THEM6: variants seen among roughly 807,000 people sequenced by gnomAD.
THEM6 encodes protein THEM6.
THEM6 carries 10 observed loss-of-function variants against 13.7 expected under a neutral mutation model. The observed-to-expected ratio is 0.73, with a 90% CI of 0.45 to 1.24. THEM6 has a LOEUF of 1.24. Among genes scored for constraint, THEM6 ranks in the 50% most tolerant of loss-of-function variants. The pLI is 0.00. For missense variants in THEM6, 317 were observed against 312.6 expected (o/e 1.01, Z -0.11); for synonymous variants, 161 against 156.0 (o/e 1.03, Z -0.24).
chr8:142,730,737 TAATAA>T (rs1815627761), intron 1 of THEM6, among the ~76,000 whole-genome samples: 1 of 152,174 alleles, frequency 6.6e-6, no homozygotes. Flanking sequence ...ATGTTAAACT[TAATAA>T]AATCTTTTTT....
rs782742228 is a variant in THEM6 at position 142,727,481 on chromosome 8, A to T, written c.135A>T (p.Leu45=). The stretch of plus-strand genomic sequence containing the variant: ...TGCAGCCGCGCGTCCGTGACCTGCT[A>T]GCTGAGCAGCGCTTCCCGGGCCGCG... ...RLLQPRVRDL[L]AEQRFPGRVL... is the part of the protein sequence containing the mutation. The change falls in exon 1 of 2, where the codon CTA becomes CTT. Residue 45 remains leucine (L), a synonymous_variant. Transcript: ENST00000336138. 3 of 1,576,680 alleles carry T rather than the reference A, an allele frequency of 1.9e-6. No homozygotes were observed. The Admixed American group carries it at 5.2e-5, about 27-fold the overall frequency.
intron 1 of THEM6, among the ~76,000 whole-genome samples, chr8:142,729,141 TC>T (rs1242659336): frequency 6.6e-6 from 1 of 152,088 alleles, no homozygotes; most frequent in Non-Finnish European, 1.5e-5. Context: ...GGTTTCAAAA[TC>T]AGGAATGCCT....
Position 142,735,342 on chromosome 8 carries a change from T to G in THEM6, c.530T>G (p.Leu177Arg). The G allele has an allele frequency of 1.9e-6, 3 of 1,561,944 alleles. No individual in the cohort carries two copies. Among genetic ancestry groups the G allele is most frequent in the Non-Finnish European group, 2.6e-6 (3 of 1,153,312 alleles). ...CCTCTGCAGGTGGAGCCCCCTGAGC[T>G]GCCCGCTGATCTGCAGCACTGGATC... Reference protein sequence around the residue: ...LCQRRVEPPELPADLQHWISY... With the variant: ...LCQRRVEPPERPADLQHWISY... Residue 177 changes from leucine (L) to arginine (R), a missense_variant, in exon 2 of 2, where the codon CTG (leucine) becomes CGG (arginine). Physicochemically the swap from Leu to Arg is moderately radical, Grantham distance 102 (BLOSUM62 -2). Coordinates refer to ENST00000336138, the MANE Select transcript of THEM6 (RefSeq NM_016647.3).
At chr8:142,728,351 C>G (rs1242958474) in intron 1 of THEM6, among the ~76,000 whole-genome samples, 1 of 152,166 alleles carries the variant, frequency 6.6e-6, no homozygotes, top group South Asian at 2.1e-4. Context: ...GGTATTGAGC[C>G]GAGTAGCTGA....
rs981538949 is a variant in THEM6 at position 142,736,214 on chromosome 8, G to C, written c.*775G>C. On this transcript the variant is annotated 3_prime_UTR_variant, in exon 2 of 2. Coordinates refer to ENST00000336138, the MANE Select transcript of THEM6 (RefSeq NM_016647.3). ...CCCTTGTTGGAGGGAATAGAGTGGG[G>C]GTGGGACTCTGCAGGGGTGTCCTTG... 6.6e-6 allele frequency: 1 copy of C among 152,392 alleles called. No homozygotes were observed. The highest frequency in any genetic ancestry group is 1.5e-5 in the Non-Finnish European group (1 of 68,218). 9.4% of individuals were successfully genotyped at this position (152,392 alleles called of 1,614,324 possible).
intron 1 of THEM6, among the ~76,000 whole-genome samples, chr8:142,729,653 A>G (rs587617154): frequency 6.6e-6 from 1 of 152,302 alleles, no homozygotes; most frequent in South Asian, 2.1e-4. Context: ...ATTTATGTCA[A>G]TCCCCATACC....
chr8:142,735,043 C>T (rs1334556681), intron 1 of THEM6: 3 of 417,598 alleles, frequency 7.2e-6, no homozygotes, highest in African/African-American at 2.0e-5. Flanking sequence ...CCTGAGGCCT[C>T]TGGATTTCCT....
rs1554642539 is a variant in THEM6 at position 142,727,787 on chromosome 8, G to A, written c.441G>A (p.Ala147=). The A allele has an allele frequency of 6.8e-7, 1 of 1,467,024 alleles. No individual in the cohort carries two copies. The highest frequency in any genetic ancestry group is 1.3e-5 in the South Asian group (1 of 75,558). 90.9% of individuals were successfully genotyped at this position (1,467,024 alleles called of 1,614,324 possible). Residue 147 remains alanine (A), a synonymous_variant, in exon 1 of 2, where the codon GCG becomes GCA. Transcript: ENST00000336138. ...FVSLRDGFVC[A]LLRFRQHLLG... is the part of the protein sequence containing the mutation. ...GCCTGCGGGACGGCTTCGTGTGCGC[G>A]CTGCTGCGCTTCCGGCAGCACCTGC... is the stretch of plus-strand genomic sequence containing the variant.
rs782032229 is a variant in THEM6 at position 142,727,526 on chromosome 8, C to A, written c.180C>A (p.Asp60Glu). ...GCCGCGTGCTGCCCTCGGACTTGGA[C>A]CTGCTGCTGCACATGAACAACGCGC... ...FPGRVLPSDLDLLLHMNNARY... is the reference protein window; with the variant it reads ...FPGRVLPSDLELLLHMNNARY... The change falls in exon 1 of 2, where the codon GAC becomes GAA. Residue 60 changes from aspartate to glutamate, a missense_variant. By Grantham distance (45) the Asp-to-Glu change is conservative. Coordinates refer to ENST00000336138, the MANE Select transcript of THEM6 (RefSeq NM_016647.3). 1.3e-6 allele frequency: 2 copies of A among 1,579,034 alleles called. No homozygotes were observed. Among genetic ancestry groups the A allele is most frequent in the African/African-American group, 2.8e-5 (2 of 72,588 alleles).
Position 142,727,658 on chromosome 8 carries a change from C to G in THEM6, c.312C>G (p.Cys104Trp). ...LRAHTVLAASCARHRRSLRLL... is the reference protein window; with the variant it reads ...LRAHTVLAASWARHRRSLRLL... Reference sequence around the variant, plus strand: ...CGCACACGGTGCTGGCGGCCTCGTGCGCGCGCCACCGCCGCTCGCTGCGCC... The same window carrying G: ...CGCACACGGTGCTGGCGGCCTCGTGGGCGCGCCACCGCCGCTCGCTGCGCC... Residue 104 changes from cysteine to tryptophan, a missense_variant, in exon 1 of 2, where the codon TGC (cysteine) becomes TGG (tryptophan). By Grantham distance (215) the Cys-to-Trp change is radical. Transcript: ENST00000336138. The G allele has an allele frequency of 4.9e-6, 7 of 1,437,932 alleles. No homozygotes were observed. Among genetic ancestry groups the G allele is most frequent in the Non-Finnish European group, 6.3e-6 (7 of 1,107,134 alleles). The allele number at this position is 1,437,932 out of a possible 1,614,324, so 89.1% of individuals were successfully genotyped here.
At chr8:142,727,994 C>T in intron 1 of THEM6, 135 bp downstream of exon 1, 1 of 1,003,164 alleles carries the variant, frequency 1.0e-6, no homozygotes. Flanking sequence ...AGTCCTGCCT[C>T]TTACCGCTCC....
chr8:142,731,920 A>ATT (rs1815653938), intron 1 of THEM6, among the ~76,000 whole-genome samples: 1 of 151,952 alleles, frequency 6.6e-6, no homozygotes, highest in African/African-American at 2.4e-5. Flanking sequence ...AATTGCAAGA[A>ATT]TTATGCCCTC....
chr8:142,727,238 C>A lies in THEM6; in HGVS notation c.-109C>A. ...CTCGCGCTGTGGTTCGCTCCGGGCG[C>A]GCTGCGCTCGTGAGTTCCCAGGAGG... On this transcript the variant is annotated 5_prime_UTR_variant, in exon 1 of 2. Coordinates refer to ENST00000336138, the MANE Select transcript of THEM6 (RefSeq NM_016647.3). The A allele has an allele frequency of 1.7e-6, 2 of 1,175,606 alleles. No individual in the cohort carries two copies. The highest frequency in any genetic ancestry group is 4.2e-5 in the Admixed American group (1 of 24,084). The allele number at this position is 1,175,606 out of a possible 1,614,324, so 72.8% of individuals were successfully genotyped here. A position where few individuals can be genotyped will look rare whatever the true frequency, so the allele number is the denominator to read the frequency against.
chr8:142,735,114 T>C (rs587724127), intron 1 of THEM6: 21 of 566,646 alleles, frequency 3.7e-5, no homozygotes, highest in African/African-American at 3.6e-4. Flanking sequence ...GGATGGCCCC[T>C]AGGGGAGACG....
chr8:142,735,433 C>T lies in THEM6; in HGVS notation c.621C>T (p.Asp207=), dbSNP rs780164185. 5.2e-5 allele frequency: 82 copies of T among 1,567,826 alleles called. No homozygotes were observed. The highest frequency in any genetic ancestry group is 6.8e-5 in the Non-Finnish European group (79 of 1,156,094). ...GTGGGCTCAGTGATGTCACCAAGGA[C>T]CAGTGACCGCCACCTTCACACCGTC... ...MESGLSDVTK[D]Q The change falls in exon 2 of 2, where the codon GAC becomes GAT. Residue 207 remains aspartate, a synonymous_variant. Coordinates refer to ENST00000336138, the MANE Select transcript of THEM6 (RefSeq NM_016647.3).
chr8:142,727,630 GGGCGCACACGGTGCT>G lies in THEM6; in HGVS notation c.289_303del (p.His97_Ala101del). On this transcript the variant is annotated inframe_deletion, in exon 1 of 2. Transcript: ENST00000336138. ...GTGCTCGGGGCGCTGAGGGAGTTGCGGGCGCACACGGTGCTGGCGGCCTCGTGCGCGCGCCACCGC... is the reference window on the plus strand; with the variant it reads ...GTGCTCGGGGCGCTGAGGGAGTTGCGGGCGGCCTCGTGCGCGCGCCACCGC... 23 of 1,490,882 alleles carry G rather than the reference GGGCGCACACGGTGCT, an allele frequency of 1.5e-5. No individual in the cohort carries two copies. The highest frequency in any genetic ancestry group is 2.0e-5 in the Non-Finnish European group (23 of 1,128,674). 92.4% of individuals were successfully genotyped at this position (1,490,882 alleles called of 1,614,324 possible). A position where few individuals can be genotyped will look rare whatever the true frequency, so the allele number is the denominator to read the frequency against.
intron 1 of THEM6, among the ~76,000 whole-genome samples, chr8:142,731,660 TCTCTCTTCA>T (rs1554642949): frequency 6.6e-6 from 1 of 152,294 alleles, no homozygotes; most frequent in Non-Finnish European, 1.5e-5. Context: ...CTGTCTCTTC[TCTCTCTTCA>T]CTCTCTTCAT....
chr8:142,735,219 C>T lies in THEM6; in HGVS notation c.514-107C>T, dbSNP rs587764967. 49 of 805,318 alleles carry T rather than the reference C, an allele frequency of 6.1e-5. 1 individual carries two copies. The highest frequency in any genetic ancestry group is 3.7e-4 in the South Asian group (23 of 62,098). The allele number at this position is 805,318 out of a possible 1,614,324, so 49.9% of individuals were successfully genotyped here. On this transcript the variant is annotated intron_variant, in intron 1 of 1. Transcript: ENST00000336138. ...GGCATGGGCAAAGCATGGCAGGCGG[C>T]GGGGCAGGGGATCTTGGAAGGTCAC...
chr8:142,728,352 G>A (rs781960040), intron 1 of THEM6, among the ~76,000 whole-genome samples: 27 of 152,214 alleles, frequency 1.8e-4, no homozygotes, highest in African/African-American at 6.0e-4. Context: ...GTATTGAGCC[G>A]AGTAGCTGAA....
Sources: gnomAD v4.1 joint callset for allele counts (sites outside exome capture counted in the v4.1 genomes callset) on GRCh38, gnomAD v4.1.1 for gene constraint, MANE v1.5 for transcripts, NCBI Gene and HGNC (gene_info 2026-07-23, HGNC 2026-07-21) for gene names.